The following TFDP2 variants were observed in gnomAD, a reference collection of about 807,000 sequenced individuals.
The protein encoded by TFDP2 is transcription factor Dp-2, also known as transcription factor Dp-2 (E2F dimerization partner 2).
Under a neutral mutation model 59.3 loss-of-function variants are expected in TFDP2, and 17 were observed. The observed-to-expected ratio is 0.29, with a 90% CI of 0.20 to 0.43. The LOEUF (loss-of-function observed/expected upper bound fraction) is 0.43. Among genes scored for constraint, TFDP2 ranks in the 20% least tolerant of loss-of-function variants. The pLI, the probability that TFDP2 is intolerant of heterozygous loss-of-function variation, is 1.00. For missense variants in TFDP2, 391 were observed against 528.8 expected (o/e 0.74, Z 2.56); for synonymous variants, 180 against 194.7 (o/e 0.92, Z 0.63).
chr3:142,022,997 G>A (rs1226453086), intron 3 of TFDP2, among the ~76,000 whole-genome samples: 15 of 151,160 alleles, frequency 9.9e-5, no homozygotes, highest in East Asian at 4.0e-4. Context: ...GCATGCGCCC[G>A]TAGTCCCAGC....
chr3:142,096,079 C>T (rs2061153415), intron 2 of TFDP2, among the ~76,000 whole-genome samples: 2 of 152,036 alleles, frequency 1.3e-5, no homozygotes, highest in African/African-American at 4.8e-5. Context: ...AAACAGCCAA[C>T]GAATGTGGAA....
intron 1 of TFDP2, among the ~76,000 whole-genome samples, chr3:142,142,715 A>C (rs112716306): frequency 6.6e-6 from 1 of 152,226 alleles, no homozygotes; most frequent in Admixed American, 6.5e-5. Flanking sequence ...CTACAGAGCT[A>C]TAGTAACCAA....
At chr3:142,114,826 G>A (rs988594696) in intron 1 of TFDP2, among the ~76,000 whole-genome samples, 8 of 151,974 alleles carry the variant, frequency 5.3e-5, no homozygotes, top group Non-Finnish European at 8.8e-5. Flanking sequence ...TATTTGTACA[G>A]ACACTTTCAG....
chr3:142,125,201 A>G (rs2062190977), intron 1 of TFDP2, among the ~76,000 whole-genome samples: 1 of 152,152 alleles, frequency 6.6e-6, no homozygotes, highest in African/African-American at 2.4e-5. Flanking sequence ...GTGAAGCTCT[A>G]TCTCAAAGAA....
At chr3:142,076,210 C>CAAAAA (rs56018016) in intron 3 of TFDP2, among the ~76,000 whole-genome samples, 1 of 112,144 alleles carries the variant, frequency 8.9e-6, no homozygotes, top group Non-Finnish European at 1.9e-5. Context: ...GACTCCGTCT[C>CAAAAA]AAAAAAAAAA....
chr3:142,111,455 T>C (rs962187257), intron 1 of TFDP2, among the ~76,000 whole-genome samples: 3 of 141,676 alleles, frequency 2.1e-5, no homozygotes, highest in Admixed American at 7.0e-5. Context: ...AAAAGATTCA[T>C]ATAAACATGT....
intron 3 of TFDP2, among the ~76,000 whole-genome samples, chr3:142,055,467 T>A (rs917754809): frequency 1.3e-5 from 2 of 152,202 alleles, no homozygotes; most frequent in Non-Finnish European, 2.9e-5. Flanking sequence ...TATCATTTAA[T>A]CCTCACAATA....
At chr3:142,028,797 C>G (rs776377041) in intron 3 of TFDP2, 123 of 864,862 alleles carry the variant, frequency 1.4e-4, no homozygotes, top group Non-Finnish European at 1.5e-4. Flanking sequence ...ACAAAGACAT[C>G]TCAAAAGAAA....
In TFDP2 at chr3:142,074,336, G is replaced by A. The variant is rs2060364548; in HGVS notation, c.82+18725C>T. 2.6e-5 allele frequency among the ~76,000 whole-genome samples: 4 copies of A among 151,900 alleles called. No individual in the cohort carries two copies. The South Asian group carries it at 8.3e-4, about 32-fold the overall frequency. ...AGGCAGGAGAATCACTTGAACCCAG[G>A]AAGTGGAGGTTGAAGTGAGTTGAGA... On this transcript the variant is annotated intron_variant, in intron 3 of 12. Coordinates refer to ENST00000489671, the MANE Select transcript of TFDP2 (RefSeq NM_001178139.2).
intron 3 of TFDP2, among the ~76,000 whole-genome samples, chr3:142,016,324 A>T (rs1945132116): frequency 7.6e-6 from 1 of 130,864 alleles, no homozygotes; most frequent in Non-Finnish European, 1.6e-5. Context: ...TTTTTAAGAC[A>T]GTCTCACTCT....
At chr3:142,048,973 A>C (rs955583929) in intron 3 of TFDP2, among the ~76,000 whole-genome samples, 1 of 152,206 alleles carries the variant, frequency 6.6e-6, no homozygotes, top group Non-Finnish European at 1.5e-5. Flanking sequence ...ATCTTGAAGA[A>C]GGTTCTGAGG....
intron 3 of TFDP2, among the ~76,000 whole-genome samples, chr3:142,063,335 C>T (rs914829942): frequency 2.6e-5 from 4 of 152,112 alleles, no homozygotes; most frequent in African/African-American, 9.7e-5. Flanking sequence ...TTAAAATATG[C>T]TTACATAAAA....
chr3:142,024,803 T>A (rs947459268), intron 3 of TFDP2, among the ~76,000 whole-genome samples: 2 of 152,198 alleles, frequency 1.3e-5, no homozygotes, highest in African/African-American at 4.8e-5. Context: ...GAGGATCACC[T>A]GAGGTCAGGA....
At chr3:142,092,629 A>G (rs932570684) in intron 3 of TFDP2, among the ~76,000 whole-genome samples, 4 of 152,198 alleles carry the variant, frequency 2.6e-5, no homozygotes, top group Non-Finnish European at 5.9e-5. Flanking sequence ...AGTGGGCCAG[A>G]TTTCTGATAT....
chr3:142,084,864 T>C (rs1053227699), intron 3 of TFDP2, among the ~76,000 whole-genome samples: 1 of 150,974 alleles, frequency 6.6e-6, no homozygotes, highest in Non-Finnish European at 1.5e-5. Context: ...GGAGTGAGGG[T>C]GATTAACGAG....
At chr3:142,008,369 A>T (rs576321640) in intron 3 of TFDP2, among the ~76,000 whole-genome samples, 1 of 152,038 alleles carries the variant, frequency 6.6e-6, no homozygotes, top group East Asian at 1.9e-4. Context: ...ACTCCACAAC[A>T]CTTCCTAAAT....
chr3:142,112,316 C>T (rs956772389), intron 1 of TFDP2, among the ~76,000 whole-genome samples: 2 of 152,110 alleles, frequency 1.3e-5, no homozygotes, highest in Non-Finnish European at 2.9e-5. Flanking sequence ...GTCAAACCAC[C>T]TTAAACCTCT....
In TFDP2 at chr3:142,126,745, A is replaced by G. The variant is rs187873648; in HGVS notation, c.-93+22438T>C. Among the ~76,000 whole-genome samples the G allele has an allele frequency of 7.2e-3, 1,100 of 151,874 alleles. 15 individuals are homozygous for G. Among genetic ancestry groups the G allele is most frequent in the African/African-American group, 0.025 (1,016 of 41,452 alleles). On this transcript the variant is annotated intron_variant, in intron 1 of 12. Transcript: ENST00000489671. ...GCAGATCATTTGAGGTCAGGAGTTC[A>G]AGACCAGCCTGGCCAACATGGTGAA...
chr3:142,078,575 G>A (rs2060539572), intron 3 of TFDP2, among the ~76,000 whole-genome samples: 2 of 152,160 alleles, frequency 1.3e-5, no homozygotes, highest in South Asian at 2.1e-4. Context: ...AGCATTACTG[G>A]GTTTAAGGTA....
Sources: gnomAD v4.1 joint callset for allele counts (sites outside exome capture counted in the v4.1 genomes callset) on GRCh38, gnomAD v4.1.1 for gene constraint, MANE v1.5 for transcripts, NCBI Gene and HGNC (gene_info 2026-07-23, HGNC 2026-07-21) for gene names.